TBC1D5: variants seen among roughly 807,000 people sequenced by gnomAD.
The protein encoded by TBC1D5 is TBC1 domain family member 5.
TBC1D5 carries 75 observed loss-of-function variants against 100.3 expected under a neutral mutation model. The observed-to-expected ratio is 0.75, with a 90% CI of 0.62 to 0.91. TBC1D5 has a LOEUF of 0.91. Among genes scored for constraint, TBC1D5 ranks in the 40% least tolerant of loss-of-function variants. The pLI, the probability that TBC1D5 is intolerant of heterozygous loss-of-function variation, is 0.00. For missense variants in TBC1D5, 910 were observed against 942.4 expected, an observed-to-expected ratio of 0.97 and a Z score of 0.45; for synonymous variants, 323 against 325.6, an observed-to-expected ratio of 0.99 and a Z score of 0.09.
At chr3:17,243,031 T>C (rs1376883238) in intron 16 of TBC1D5, among the ~76,000 whole-genome samples, 4 of 152,180 alleles carry the variant, frequency 2.6e-5, no homozygotes, top group Non-Finnish European at 4.4e-5. Context: ...GTGGAACAAC[T>C]GTACCCCAAG....
chr3:17,516,943 C>T (rs2095997854), intron 2 of TBC1D5, among the ~76,000 whole-genome samples: 3 of 152,120 alleles, frequency 2.0e-5, no homozygotes, highest in Admixed American at 1.3e-4. Flanking sequence ...TTTAGGTCTT[C>T]GCACATCCCC....
intron 1 of TBC1D5, among the ~76,000 whole-genome samples, chr3:17,716,938 A>T (rs537544262): frequency 1.3e-5 from 2 of 152,310 alleles, no homozygotes; most frequent in South Asian, 2.1e-4. Context: ...AAGATTACAG[A>T]CTTTGGAAGA....
intron 2 of TBC1D5, among the ~76,000 whole-genome samples, chr3:17,564,059 G>C (rs1221397539): frequency 1.3e-5 from 2 of 152,194 alleles, no homozygotes; most frequent in African/African-American, 4.8e-5. Flanking sequence ...TGGGATTACA[G>C]GCATGAGCCA....
At chr3:17,725,485 AG>A (rs2076047728) in intron 1 of TBC1D5, among the ~76,000 whole-genome samples, 2 of 152,064 alleles carry the variant, frequency 1.3e-5, no homozygotes, top group South Asian at 4.2e-4. Flanking sequence ...CATACTCTAC[AG>A]GCATGGCTCT....
intron 16 of TBC1D5, among the ~76,000 whole-genome samples, chr3:17,253,548 C>T (rs893664103): frequency 7.2e-5 from 11 of 152,114 alleles, no homozygotes; most frequent in Non-Finnish European, 1.5e-4. Flanking sequence ...AGTTTTGACA[C>T]TTGTGTACAC....
intron 1 of TBC1D5, among the ~76,000 whole-genome samples, chr3:17,723,442 A>T (rs2075859010): frequency 6.6e-6 from 1 of 152,220 alleles, no homozygotes; most frequent in African/African-American, 2.4e-5. Context: ...ATGATTTTGA[A>T]CAGAGCAAAG....
At position 17,562,450 on chromosome 3, in the gene TBC1D5, C is replaced by T. The variant is rs140224494; in HGVS notation, c.-35-53845G>A. 9.9e-3 allele frequency among the ~76,000 whole-genome samples: 1,494 copies of T among 151,142 alleles called. 11 individuals carry two copies. Among genetic ancestry groups the T allele is most frequent in the Admixed American group, 0.016 (250 of 15,200 alleles). ...AATTTGCACCTAATAGTGTCTATAA[C>T]TATTCAAGATAATGAAATTAAAAAA... On this transcript the variant is annotated intron_variant, in intron 2 of 21. Coordinates refer to ENST00000253692, the Ensembl canonical transcript of TBC1D5.
chr3:17,209,444 G>A (rs1003259927), intron 18 of TBC1D5, among the ~76,000 whole-genome samples: 1 of 152,164 alleles, frequency 6.6e-6, no homozygotes. Flanking sequence ...AGCCACCACA[G>A]CTGGCCTTTC....
At chr3:17,177,860 C>T (rs908871332) in intron 19 of TBC1D5, among the ~76,000 whole-genome samples, 2 of 152,100 alleles carry the variant, frequency 1.3e-5, no homozygotes, top group African/African-American at 4.8e-5. Flanking sequence ...GAGGTATCTC[C>T]ATCACCTCAA....
chr3:17,625,327 G>A (rs963275999), intron 1 of TBC1D5, among the ~76,000 whole-genome samples: 1 of 152,016 alleles, frequency 6.6e-6, no homozygotes, highest in Non-Finnish European at 1.5e-5. Flanking sequence ...GGAGGCAAGT[G>A]TCCTTGTGCT....
At chr3:17,389,026 G>A (rs547368596) in intron 8 of TBC1D5, among the ~76,000 whole-genome samples, 9 of 152,222 alleles carry the variant, frequency 5.9e-5, no homozygotes, top group East Asian at 1.9e-4. Context: ...AGAAATATTT[G>A]TCAGTACATT....
intron 3 of TBC1D5, among the ~76,000 whole-genome samples, chr3:17,469,213 T>C (rs2095344462): frequency 6.6e-6 from 1 of 152,162 alleles, no homozygotes; most frequent in Non-Finnish European, 1.5e-5. Context: ...AAATCAATAG[T>C]AAGAAATCAG....
intron 1 of TBC1D5, among the ~76,000 whole-genome samples, chr3:17,671,312 C>G (rs1426666041): frequency 6.6e-6 from 1 of 152,140 alleles, no homozygotes; most frequent in African/African-American, 2.4e-5. Context: ...GAAAGCAGAG[C>G]CTAGCAAAGT....
chr3:17,444,714 AT>A (rs1276377874), intron 3 of TBC1D5, among the ~76,000 whole-genome samples: 7 of 152,126 alleles, frequency 4.6e-5, no homozygotes, highest in African/African-American at 1.7e-4. Flanking sequence ...GCAGATCTAT[AT>A]TCAGAAAATA....
At chr3:17,514,745 CTG>C (rs1157158620) in intron 2 of TBC1D5, among the ~76,000 whole-genome samples, 1 of 152,058 alleles carries the variant, frequency 6.6e-6, no homozygotes, top group Non-Finnish European at 1.5e-5. Flanking sequence ...CAAGAGAAAA[CTG>C]AGCACTATAA....
chr3:17,613,059 C>CG (rs2061815903), intron 2 of TBC1D5, among the ~76,000 whole-genome samples: 1 of 152,078 alleles, frequency 6.6e-6, no homozygotes, highest in South Asian at 2.1e-4. Context: ...CAACAGACCC[C>CG]GGTGTGTGAT....
At chr3:17,163,768 G>A (rs2066319926) in intron 21 of TBC1D5, among the ~76,000 whole-genome samples, 1 of 152,176 alleles carries the variant, frequency 6.6e-6, no homozygotes, top group Non-Finnish European at 1.5e-5. Flanking sequence ...CCTAGCCACA[G>A]GTGGATACCA....
chr3:17,619,723 G>C (rs1348170993), intron 2 of TBC1D5, among the ~76,000 whole-genome samples: 1 of 152,102 alleles, frequency 6.6e-6, no homozygotes, highest in East Asian at 1.9e-4. Flanking sequence ...TAGAACTAAA[G>C]TACAGATATA....
intron 3 of TBC1D5, among the ~76,000 whole-genome samples, chr3:17,485,865 G>A (rs1470291661): frequency 3.3e-5 from 5 of 152,138 alleles, no homozygotes; most frequent in African/African-American, 9.7e-5. Flanking sequence ...CCAGTAATGG[G>A]ATGGTTGGGT....
Sources: allele counts gnomAD v4.1 joint callset (sites outside exome capture counted in the v4.1 genomes callset), GRCh38; gene constraint gnomAD v4.1.1; transcripts MANE v1.5; gene names NCBI Gene and HGNC (gene_info 2026-07-23, HGNC 2026-07-21).